The following ADTRP variants were observed in gnomAD, a reference collection of about 807,000 sequenced individuals.
ADTRP encodes androgen dependent TFPI regulating protein.
ADTRP carries 20 observed loss-of-function variants against 27.0 expected under a neutral mutation model. The observed-to-expected ratio is 0.74, with a 90% CI of 0.52 to 1.08. The LOEUF (loss-of-function observed/expected upper bound fraction) is 1.08, where lower values mean the gene tolerates loss of function less well. Ranked by LOEUF, ADTRP falls within the 50% of genes least tolerant of loss-of-function variation. The probability of loss-of-function intolerance (pLI) is 0.00; values close to 1 mark genes in which losing one functional copy is unlikely to be tolerated. For missense variants in ADTRP, 251 were observed against 275.0 expected, an observed-to-expected ratio of 0.91 and a Z score of 0.62; for synonymous variants, 101 against 105.2, an observed-to-expected ratio of 0.96 and a Z score of 0.25.
chr6:11,720,893 A>G (rs1389976409), intron 5 of ADTRP, among the ~76,000 whole-genome samples: 1 of 152,148 alleles, frequency 6.6e-6, no homozygotes, highest in Admixed American at 6.5e-5. Flanking sequence ...CCTTTGCAAA[A>G]AGTTGTACTT....
At chr6:11,751,494 GTCACTATCTGTAGCCCC>G (rs1161001512) in intron 3 of ADTRP, among the ~76,000 whole-genome samples, 1 of 152,070 alleles carries the variant, frequency 6.6e-6, no homozygotes, top group African/African-American at 2.4e-5. Context: ...GCTGACATAG[GTCACTATCTGTAGCCCC>G]TCACCCCCCA....
intron 3 of ADTRP, among the ~76,000 whole-genome samples, chr6:11,765,057 C>A (rs80059960): frequency 0.011 from 1,693 of 152,176 alleles, 32 homozygotes; most frequent in African/African-American, 0.039. Flanking sequence ...GTCCTGAACT[C>A]CAAAAGAGTT....
intron 1 of ADTRP, among the ~76,000 whole-genome samples, chr6:11,768,782 G>A (rs138709508): frequency 6.6e-6 from 1 of 152,090 alleles, no homozygotes; most frequent in Admixed American, 6.6e-5. Context: ...AGTCTTCCTG[G>A]GAAGGAAAAT....
At chr6:11,769,939 G>T (rs1306074772) in intron 1 of ADTRP, 2 of 1,379,046 alleles carry the variant, frequency 1.5e-6, no homozygotes, top group African/African-American at 1.4e-5. Context: ...GCCAGGCACT[G>T]AACTGTGTTT....
chr6:11,715,736 C>G (rs931935674), intron 5 of ADTRP, among the ~76,000 whole-genome samples: 6 of 142,778 alleles, frequency 4.2e-5, no homozygotes, highest in African/African-American at 1.6e-4. Context: ...GCCTTGAGCT[C>G]CTGGGCTGAA....
chr6:11,714,472 G>A lies in ADTRP; in HGVS notation c.*6C>T, dbSNP rs763824849. The A allele has an allele frequency of 1.2e-5, 20 of 1,612,628 alleles. No homozygotes were observed. In the East Asian group the frequency reaches 4.0e-4, roughly 32 times the overall value. On this transcript the variant is annotated 3_prime_UTR_variant, in exon 6 of 6. Coordinates refer to ENST00000414691, the MANE Select transcript of ADTRP (RefSeq NM_032744.4). ...TCTTTCTTGGTTCTTGGAAAATGGT[G>A]TGCAATTACTTCCTCTTCTTCCGTG...
chr6:11,745,814 A>G (rs949938959), intron 3 of ADTRP, among the ~76,000 whole-genome samples: 2 of 151,922 alleles, frequency 1.3e-5, no homozygotes, highest in Non-Finnish European at 2.9e-5. Flanking sequence ...TTTTTGAGAC[A>G]GAGTCTTGCT....
chr6:11,726,327 G>A (rs975462050), intron 4 of ADTRP, among the ~76,000 whole-genome samples: 2 of 152,180 alleles, frequency 1.3e-5, no homozygotes, highest in African/African-American at 4.8e-5. Context: ...GTGTGTTGGT[G>A]TTGGGAGGGG....
intron 4 of ADTRP, among the ~76,000 whole-genome samples, chr6:11,730,175 T>G (rs2113889438): frequency 6.6e-6 from 1 of 152,344 alleles, no homozygotes; most frequent in African/African-American, 2.4e-5. Flanking sequence ...GGATCCTGGC[T>G]GGGCTGGACC....
intron 1 of ADTRP, among the ~76,000 whole-genome samples, chr6:11,771,378 G>C (rs990514611): frequency 1.3e-5 from 2 of 152,170 alleles, no homozygotes; most frequent in Non-Finnish European, 2.9e-5. Flanking sequence ...AGGCACTAGG[G>C]AGCCGCCAAG....
chr6:11,720,558 G>A (rs1446498000), intron 5 of ADTRP, among the ~76,000 whole-genome samples: 2 of 151,024 alleles, frequency 1.3e-5, no homozygotes, highest in African/African-American at 2.4e-5. Flanking sequence ...TGCAAGCTCC[G>A]CCTCCTGGTT....
At chr6:11,733,994 T>G (rs1232069489) in intron 4 of ADTRP, among the ~76,000 whole-genome samples, 8 of 152,194 alleles carry the variant, frequency 5.3e-5, no homozygotes, top group Non-Finnish European at 8.8e-5. Context: ...GTAGAAGACA[T>G]TAGTAAGTAA....
intron 3 of ADTRP, among the ~76,000 whole-genome samples, chr6:11,745,170 ATCTCTCTCTC>A (rs56245898): frequency 1.4e-5 from 2 of 147,808 alleles, no homozygotes; most frequent in African/African-American, 5.0e-5. Flanking sequence ...GGGTTAGTCA[ATCTCTCTCTC>A]TCTCTCTCTC....
intron 4 of ADTRP, among the ~76,000 whole-genome samples, chr6:11,726,908 C>T (rs1421330574): frequency 6.6e-5 from 10 of 152,186 alleles, no homozygotes; most frequent in South Asian, 2.1e-4. Flanking sequence ...TTTAGTTCCT[C>T]GCCTGGGCCC....
intron 3 of ADTRP, among the ~76,000 whole-genome samples, chr6:11,746,874 C>A (rs1762880772): frequency 6.6e-6 from 1 of 152,172 alleles, no homozygotes. Context: ...TAGGGCTCAA[C>A]CTCCTGCTCA....
At chr6:11,753,355 C>A (rs1763114336) in intron 3 of ADTRP, among the ~76,000 whole-genome samples, 1 of 152,058 alleles carries the variant, frequency 6.6e-6, no homozygotes, top group Non-Finnish European at 1.5e-5. Flanking sequence ...ATGACCTGTA[C>A]CTGAAGATGA....
intron 3 of ADTRP, among the ~76,000 whole-genome samples, chr6:11,742,076 G>T (rs1762736730): frequency 6.6e-6 from 1 of 151,828 alleles, no homozygotes; most frequent in African/African-American, 2.4e-5. Context: ...CCCTATTTTG[G>T]TACATATAAT....
intron 1 of ADTRP, among the ~76,000 whole-genome samples, chr6:11,773,549 G>C (rs554070506): frequency 6.6e-6 from 1 of 152,332 alleles, no homozygotes; most frequent in African/African-American, 2.4e-5. Flanking sequence ...GCAACGCCAG[G>C]GAGGGACCTA....
intron 1 of ADTRP, among the ~76,000 whole-genome samples, chr6:11,776,083 A>G (rs1310982316): frequency 6.6e-6 from 1 of 152,218 alleles, no homozygotes; most frequent in Non-Finnish European, 1.5e-5. Context: ...TTGCAGGTCC[A>G]ATATTTCACC....
Sources: allele counts gnomAD v4.1 joint callset (sites outside exome capture counted in the v4.1 genomes callset), GRCh38; gene constraint gnomAD v4.1.1; transcripts MANE v1.5; gene names NCBI Gene and HGNC (gene_info 2026-07-23, HGNC 2026-07-21).